The following SETD5 variants were observed in gnomAD, a reference collection of about 807,000 sequenced individuals.
The protein encoded by SETD5 is SET domain containing 5.
Under a neutral mutation model 153.3 loss-of-function variants are expected in SETD5, and 44 were observed. The observed-to-expected ratio is 0.29, with a 90% CI of 0.23 to 0.37. The LOEUF (loss-of-function observed/expected upper bound fraction) is 0.37, where lower values mean the gene tolerates loss of function less well. SETD5 is among the 10% of genes least tolerant of loss of function. The pLI, the probability that SETD5 is intolerant of heterozygous loss-of-function variation, is 1.00. For synonymous variants in SETD5, 716 were observed against 645.2 expected, an observed-to-expected ratio of 1.11 and a Z score of -1.66; for missense variants, 1,544 against 1,768.0, an observed-to-expected ratio of 0.87 and a Z score of 2.27.
rs751545686 is a variant in SETD5, at chr3:9,470,644, G to T, written c.2910G>T (p.Val970=). The change falls in exon 19 of 23, where the codon GTG becomes GTT. Residue 970 remains valine, a synonymous_variant. Coordinates refer to ENST00000402198, the MANE Select transcript of SETD5 (RefSeq NM_001080517.3). The part of the protein sequence containing the change: ...SRSGDGHQTL[V]RNSDQAFRTE... ...GTGGAGATGGACATCAGACCCTCGT[G>T]AGAAACTCAGACCAGGCATTTCGGA... 6 of 1,613,846 alleles carry T rather than the reference G, an allele frequency of 3.7e-6. No individual in the cohort carries two copies. In the African/African-American group the frequency reaches 6.7e-5, roughly 18 times the overall value.
Position 9,447,540 on chromosome 3 carries a change from G to C in SETD5, c.1783-146G>C, listed in dbSNP as rs532506073. ...AGCTCATTTAAGTGTATACATTTTTGTATTTAAAAATTAGATTTTAAATTA... is the reference window on the plus strand; with the variant it reads ...AGCTCATTTAAGTGTATACATTTTTCTATTTAAAAATTAGATTTTAAATTA... On this transcript the variant is annotated intron_variant, in intron 14 of 22. Coordinates refer to ENST00000402198, the MANE Select transcript of SETD5 (RefSeq NM_001080517.3). The C allele has an allele frequency of 1.4e-5, 15 of 1,077,588 alleles. No individual in the cohort carries two copies. The African/African-American group carries it at 2.4e-4, about 17-fold the overall frequency. The allele number at this position is 1,077,588 out of a possible 1,614,324, so 66.8% of individuals were successfully genotyped here. A position where few individuals can be genotyped will look rare whatever the true frequency, so the allele number is the denominator to read the frequency against.
chr3:9,427,544 G>C lies in SETD5; in HGVS notation c.-116-1279G>C, dbSNP rs189066247. Among the ~76,000 whole-genome samples, 82 of 152,270 alleles carry C rather than the reference G, an allele frequency of 5.4e-4. 1 individual carries two copies. In the East Asian group the frequency reaches 0.014, roughly 26 times the overall value. ...CAGTCTGGGCAACAAAAGTGAAACT[G>C]TCTCAAAAAATAAAAATAAAATTTA... On this transcript the variant is annotated intron_variant, in intron 2 of 22. Coordinates refer to ENST00000402198, the MANE Select transcript of SETD5 (RefSeq NM_001080517.3).
chr3:9,410,877 C>CTTTTTTTT (rs34787440), intron 1 of SETD5, among the ~76,000 whole-genome samples: 1 of 146,196 alleles, frequency 6.8e-6, no homozygotes, highest in Non-Finnish European at 1.5e-5. Context: ...TAAAAATTCT[C>CTTTTTTTT]TTTTTTTTTT....
intron 2 of SETD5, among the ~76,000 whole-genome samples, chr3:9,424,797 A>G (rs1368040016): frequency 6.6e-6 from 1 of 152,200 alleles, no homozygotes; most frequent in African/African-American, 2.4e-5. Context: ...TTCCTCGGTT[A>G]ACATTTTAAT....
chr3:9,461,523 A>G (rs1051605928), intron 17 of SETD5, among the ~76,000 whole-genome samples: 14 of 152,288 alleles, frequency 9.2e-5, no homozygotes, highest in Admixed American at 6.5e-4. Flanking sequence ...AAAAATAATA[A>G]TAATAAAAGA....
chr3:9,449,502 T>C (rs2042389293), intron 16 of SETD5: 1 of 152,208 alleles, frequency 6.6e-6, no homozygotes, highest in South Asian at 2.1e-4. Flanking sequence ...GCTGCCTTCC[T>C]CAGTGTCTGC....
rs1056235039 is a variant in SETD5, at chr3:9,415,966, G to A, written c.-176-8501G>A. Among the ~76,000 whole-genome samples, 93 of 150,724 alleles carry A rather than the reference G, an allele frequency of 6.2e-4. 1 individual carries two copies. Among genetic ancestry groups the A allele is most frequent in the Non-Finnish European group, 1.2e-4 (8 of 67,748 alleles). On this transcript the variant is annotated intron_variant, in intron 1 of 22. Transcript: ENST00000402198. ...CTCAGTTCACTGCAAGCCACCCACC[G>A]AGCTCAAGCCATCCTCCCACCTCAG...
rs2044342412 is a variant in SETD5 at position 9,464,597 on chromosome 3, T to G, written c.2649T>G (p.Asn883Lys). The G allele has an allele frequency of 6.2e-7, 1 of 1,613,966 alleles. No individual in the cohort carries two copies. Among genetic ancestry groups the G allele is most frequent in the Non-Finnish European group, 8.5e-7 (1 of 1,179,888 alleles). ...ACCCAGGAGAAGAGGAGTGTCGAAA[T>G]GGATACAGCCTCATGTTTTCACCAG... ...SSHPGEEECR[N>K]GYSLMFSPVT... The change falls in exon 18 of 23, where the codon AAT becomes AAG. Residue 883 changes from asparagine (N) to lysine (K), a missense_variant. By Grantham distance (94) the Asn-to-Lys change is moderately conservative. Transcript: ENST00000402198.
intron 17 of SETD5, among the ~76,000 whole-genome samples, chr3:9,454,536 C>G (rs565094806): frequency 7.3e-6 from 1 of 137,602 alleles, no homozygotes; most frequent in African/African-American, 2.7e-5. Context: ...AGTGGAGAAT[C>G]ACTTGAACCC....
chr3:9,459,731 AAG>A (rs1553633384), intron 17 of SETD5, among the ~76,000 whole-genome samples: 4 of 151,724 alleles, frequency 2.6e-5, no homozygotes, highest in Admixed American at 6.6e-5. Flanking sequence ...AAAAAAAAAA[AAG>A]AATATTAAAA....
intron 1 of SETD5, among the ~76,000 whole-genome samples, chr3:9,410,480 A>G (rs1025343228): frequency 7.2e-5 from 11 of 152,360 alleles, no homozygotes; most frequent in Middle Eastern, 6.8e-3. Flanking sequence ...GTTACATTTT[A>G]CTTTCAGATT....
At chr3:9,448,694 A>C (rs1032606362) in intron 16 of SETD5, 64 bp downstream of exon 16, 2 of 1,400,232 alleles carry the variant, frequency 1.4e-6, no homozygotes, top group Non-Finnish European at 1.9e-6. Flanking sequence ...TTTAAGCCTA[A>C]GATTCCTATC....
intron 18 of SETD5, among the ~76,000 whole-genome samples, 170 bp from the exon 19 acceptor site, chr3:9,470,289 A>G (rs776361865): frequency 6.6e-6 from 1 of 152,230 alleles, no homozygotes; most frequent in South Asian, 2.1e-4. Flanking sequence ...ACTCTGGCCC[A>G]TGTACACTGT....
At chr3:9,472,706 C>T (rs532246330) in intron 19 of SETD5, among the ~76,000 whole-genome samples, 16 of 152,080 alleles carry the variant, frequency 1.1e-4, no homozygotes, top group Non-Finnish European at 4.4e-5. Context: ...CTCCCTCTCT[C>T]TCTCCACCTA....
intron 17 of SETD5, among the ~76,000 whole-genome samples, chr3:9,461,840 C>G (rs1482934854): frequency 6.6e-6 from 1 of 152,056 alleles, no homozygotes; most frequent in Non-Finnish European, 1.5e-5. Flanking sequence ...CTGTAAGATT[C>G]CATTGTTTAA....
At chr3:9,474,955 CAA>C (rs1179341124) in intron 21 of SETD5, 111 bp from the exon 22 acceptor site, 7 of 936,288 alleles carry the variant, frequency 7.5e-6, no homozygotes, top group Non-Finnish European at 6.4e-6. Context: ...CAATTTGTCA[CAA>C]AGAGAGCAGT....
At chr3:9,403,731 G>T (rs2035205876) in intron 1 of SETD5, among the ~76,000 whole-genome samples, 1 of 152,118 alleles carries the variant, frequency 6.6e-6, no homozygotes, top group Non-Finnish European at 1.5e-5. Flanking sequence ...GTTGCATCCA[G>T]TTTATTAAGA....
intron 7 of SETD5, among the ~76,000 whole-genome samples, chr3:9,439,133 G>T (rs2040959114): frequency 6.6e-6 from 1 of 152,206 alleles, no homozygotes; most frequent in African/African-American, 2.4e-5. Context: ...TAGTCTGTAA[G>T]CTCCATTAAG....
In SETD5 at chr3:9,470,911, C is replaced by A; in HGVS notation, c.3177C>A (p.Asn1059Lys). 3 of 1,584,184 alleles carry A rather than the reference C, an allele frequency of 1.9e-6. No individual in the cohort carries two copies. The highest frequency in any genetic ancestry group is 2.6e-6 in the Non-Finnish European group (3 of 1,163,042). ...AAGGAGTCCCATCTGCCCCCCAGAA[C>A]CCACCACAGAGGAAAAAAGTAAGTG... Reference protein sequence around the residue: ...ACEGVPSAPQNPPQRKKVSLL... With the variant: ...ACEGVPSAPQKPPQRKKVSLL... Residue 1059 changes from asparagine (N) to lysine (K), a missense_variant, in exon 19 of 23, where the codon AAC (asparagine) becomes AAA (lysine). Physicochemically the swap from Asn to Lys is moderately conservative, Grantham distance 94. Transcript: ENST00000402198.
Sources: gnomAD v4.1 joint callset for allele counts (sites outside exome capture counted in the v4.1 genomes callset) on GRCh38, gnomAD v4.1.1 for gene constraint, MANE v1.5 for transcripts, NCBI Gene and HGNC (gene_info 2026-07-23, HGNC 2026-07-21) for gene names.